Variants in EXOC6 observed in about 807,000 individuals in gnomAD.
EXOC6 encodes exocyst complex component 6.
Under a neutral mutation model 112.5 loss-of-function variants are expected in EXOC6, and 60 were observed. That is an observed-to-expected ratio of 0.53 (90% confidence interval 0.43 to 0.66). The LOEUF is 0.66. Ranked by LOEUF, EXOC6 falls within the 30% of genes least tolerant of loss-of-function variation. The pLI is 0.00. For missense variants in EXOC6, 855 were observed against 957.1 expected (o/e 0.89, Z 1.41); for synonymous variants, 295 against 308.0 (o/e 0.96, Z 0.44).
chr10:92,864,324 A>G (rs1848064240), intron 1 of EXOC6, among the ~76,000 whole-genome samples: 2 of 152,268 alleles, frequency 1.3e-5, no homozygotes, highest in South Asian at 4.1e-4. Context: ...CTCAGGTATT[A>G]TAAACCAAGG....
At chr10:92,953,689 G>A (rs536321393) in intron 15 of EXOC6, among the ~76,000 whole-genome samples, 10 of 152,282 alleles carry the variant, frequency 6.6e-5, no homozygotes, top group African/African-American at 2.4e-4. Flanking sequence ...TTTAACTGTT[G>A]TGATAATGAG....
At chr10:92,960,054 G>A (rs1853900667) in intron 17 of EXOC6, among the ~76,000 whole-genome samples, 1 of 152,190 alleles carries the variant, frequency 6.6e-6, no homozygotes, top group Non-Finnish European at 1.5e-5. Flanking sequence ...CCAAAAACTT[G>A]CACATGGATG....
chr10:93,032,366 G>A (rs61863084), intron 20 of EXOC6, among the ~76,000 whole-genome samples: 351 of 152,310 alleles, frequency 2.3e-3, no homozygotes, highest in Non-Finnish European at 3.6e-3. Context: ...AGATTGCATT[G>A]CACAAAGGTC....
intron 18 of EXOC6, among the ~76,000 whole-genome samples, chr10:92,979,307 A>G (rs2059408016): frequency 6.6e-6 from 1 of 152,162 alleles, no homozygotes. Context: ...CTACAGGTGC[A>G]GGCCACCATG....
At chr10:92,933,284 T>C (rs1852156329) in intron 9 of EXOC6, among the ~76,000 whole-genome samples, 1 of 152,098 alleles carries the variant, frequency 6.6e-6, no homozygotes, top group Non-Finnish European at 1.5e-5. Context: ...AGACATAACA[T>C]CAGTAAGAAT....
chr10:93,056,323 G>A (rs1382669202), intron 20 of EXOC6, among the ~76,000 whole-genome samples: 2 of 152,146 alleles, frequency 1.3e-5, no homozygotes, highest in Non-Finnish European at 1.5e-5. Flanking sequence ...TATACAAAAT[G>A]GTAGCCTAGA....
chr10:93,039,768 T>C (rs1845676995), intron 20 of EXOC6, among the ~76,000 whole-genome samples: 1 of 152,236 alleles, frequency 6.6e-6, no homozygotes, highest in Admixed American at 6.5e-5. Flanking sequence ...ACTCATCTTT[T>C]CACTTCTTCT....
chr10:92,945,249 T>C (rs1172333032), intron 13 of EXOC6, among the ~76,000 whole-genome samples: 1 of 152,198 alleles, frequency 6.6e-6, no homozygotes, highest in African/African-American at 2.4e-5. Flanking sequence ...TTGAGTTCCT[T>C]ATGTATTTTG....
intron 1 of EXOC6, 80 bp downstream of exon 1, chr10:92,848,714 G>A (rs897667252): frequency 8.9e-6 from 10 of 1,122,428 alleles, no homozygotes; most frequent in Non-Finnish European, 4.5e-6. Context: ...GGCGTCCGCC[G>A]CCGGCCGCGC....
intron 8 of EXOC6, among the ~76,000 whole-genome samples, chr10:92,922,120 A>G (rs533303040): frequency 4.6e-5 from 7 of 151,904 alleles, no homozygotes; most frequent in African/African-American, 1.7e-4. Context: ...TAATTTTTGT[A>G]TTTTTAGTAG....
rs189351447 is a variant in EXOC6, at chr10:92,862,097, A to G, written c.101+13463A>G. ...CATCGTCTCTATCTAGTTTTAAAACATTTTTCATCATTACAGAAAGAAACC... is the reference window on the plus strand; with the variant it reads ...CATCGTCTCTATCTAGTTTTAAAACGTTTTTCATCATTACAGAAAGAAACC... On this transcript the variant is annotated intron_variant, in intron 1 of 21. Transcript: ENST00000260762. Among the ~76,000 whole-genome samples, 156 of 152,282 alleles carry G rather than the reference A, an allele frequency of 1.0e-3. 2 individuals carry two copies. In the East Asian group the frequency reaches 0.022, roughly 22 times the overall value.
chr10:92,844,116 A>C (rs1846964232), upstream of EXOC6, among the ~76,000 whole-genome samples: 1 of 149,048 alleles, frequency 6.7e-6, no homozygotes, highest in Non-Finnish European at 1.5e-5. Context: ...GCGCCACTGC[A>C]CTCCAGCCTG....
chr10:92,937,556 T>C (rs1007013509), intron 12 of EXOC6, among the ~76,000 whole-genome samples: 4 of 152,196 alleles, frequency 2.6e-5, no homozygotes, highest in African/African-American at 9.6e-5. Flanking sequence ...TAAATTATTT[T>C]ATCACTCATG....
At chr10:92,858,753 C>T (rs1847750544) in intron 1 of EXOC6, among the ~76,000 whole-genome samples, 1 of 152,084 alleles carries the variant, frequency 6.6e-6, no homozygotes, top group South Asian at 2.1e-4. Flanking sequence ...TAAGCAGTTT[C>T]TATTGCCTAT....
chr10:92,944,783 T>C (rs1192624609), intron 13 of EXOC6, among the ~76,000 whole-genome samples: 4 of 151,234 alleles, frequency 2.6e-5, no homozygotes, highest in Non-Finnish European at 5.9e-5. Flanking sequence ...ATTTTTTTTT[T>C]TTTTTTGAGA....
At chr10:93,012,516 T>C (rs1429553516) in intron 19 of EXOC6, among the ~76,000 whole-genome samples, 2 of 152,226 alleles carry the variant, frequency 1.3e-5, no homozygotes, top group Non-Finnish European at 2.9e-5. Flanking sequence ...ATTCTGATGC[T>C]TAAAGCAAAA....
intron 18 of EXOC6, among the ~76,000 whole-genome samples, chr10:92,988,308 A>G (rs1418261797): frequency 1.3e-5 from 2 of 152,234 alleles, no homozygotes; most frequent in Admixed American, 1.3e-4. Flanking sequence ...TCTTGACAGA[A>G]TAAGAACTAA....
Position 92,948,335 on chromosome 10 carries a change from A to T in EXOC6, c.1372A>T (p.Ile458Phe). The T allele has an allele frequency of 6.2e-7, 1 of 1,609,440 alleles. No homozygotes were observed. Among genetic ancestry groups the T allele is most frequent in the Non-Finnish European group, 8.5e-7 (1 of 1,178,330 alleles). The change falls in exon 14 of 22, where the codon ATT becomes TTT. Residue 458 changes from isoleucine to phenylalanine, a missense_variant. By Grantham distance (21) the Ile-to-Phe change is conservative. Transcript: ENST00000260762. ...TGTTGTCAATGAAGAAGAATATAAA[A>T]TTGTCATCAGCAAATTTCCCTTTCA... is the stretch of plus-strand genomic sequence containing the variant. ...IPVVNEEEYK[I>F]VISKFPFQDP... is the part of the protein sequence containing the mutation.
chr10:92,932,038 C>G (rs929448444), intron 9 of EXOC6, among the ~76,000 whole-genome samples: 6 of 152,124 alleles, frequency 3.9e-5, no homozygotes, highest in Non-Finnish European at 1.5e-5. Flanking sequence ...ATCTGAATGT[C>G]TGTGAACTAG....
Sources: gnomAD v4.1 joint callset for allele counts (sites outside exome capture counted in the v4.1 genomes callset) on GRCh38, gnomAD v4.1.1 for gene constraint, MANE v1.5 for transcripts, NCBI Gene and HGNC (gene_info 2026-07-23, HGNC 2026-07-21) for gene names.